ITGB2: variants seen among roughly 807,000 people sequenced by gnomAD.
ITGB2 encodes integrin subunit beta 2.
ITGB2 carries 56 observed loss-of-function variants against 86.8 expected under a neutral mutation model. The observed-to-expected ratio is 0.65, with a 90% CI of 0.52 to 0.81. The LOEUF (loss-of-function observed/expected upper bound fraction) is 0.81, where lower values mean the gene tolerates loss of function less well. Among genes scored for constraint, ITGB2 ranks in the 30% least tolerant of loss-of-function variants. The pLI, the probability that ITGB2 is intolerant of heterozygous loss-of-function variation, is 0.00. For synonymous variants in ITGB2, 457 were observed against 450.4 expected, an observed-to-expected ratio of 1.01 and a Z score of -0.19; for missense variants, 948 against 1,061.2, an observed-to-expected ratio of 0.89 and a Z score of 1.48.
chr21:44,909,935 G>A lies in ITGB2; in HGVS notation c.147+349C>T, dbSNP rs138561725. On this transcript the variant is annotated intron_variant, in intron 3 of 15. Coordinates refer to ENST00000652462, the MANE Select transcript of ITGB2 (RefSeq NM_000211.5). ...CTGCAGGAAAGCGTGCTGGCGATGCGGGGCCAGAAGCGCGCGTGTTTCTGC... is the reference window on the plus strand; with the variant it reads ...CTGCAGGAAAGCGTGCTGGCGATGCAGGGCCAGAAGCGCGCGTGTTTCTGC... Among the ~76,000 whole-genome samples, 316 of 152,338 alleles carry A rather than the reference G, an allele frequency of 2.1e-3. 2 individuals are homozygous for A. The highest frequency in any genetic ancestry group is 0.014 in the Middle Eastern group (4 of 294).
intron 14 of ITGB2, among the ~76,000 whole-genome samples, chr21:44,888,117 G>C (rs1278006933): frequency 6.7e-6 from 1 of 149,940 alleles, no homozygotes; most frequent in Non-Finnish European, 1.5e-5. Context: ...TCACTGTGGG[G>C]CTGGGACTGG....
chr21:44,905,931 G>A (rs1279707184), intron 4 of ITGB2, among the ~76,000 whole-genome samples: 1 of 152,152 alleles, frequency 6.6e-6, no homozygotes, highest in South Asian at 2.1e-4. Context: ...CTGAGCCCCA[G>A]CCTGTCCGAC....
chr21:44,898,124 C>G (rs189781183), intron 8 of ITGB2, among the ~76,000 whole-genome samples: 1 of 152,166 alleles, frequency 6.6e-6, no homozygotes, highest in South Asian at 2.1e-4. Flanking sequence ...GGGCCCTGGA[C>G]AGTTTTCAGC....
chr21:44,901,309 C>A (rs769750180), intron 6 of ITGB2, among the ~76,000 whole-genome samples, 183 bp downstream of exon 6: 1 of 152,220 alleles, frequency 6.6e-6, no homozygotes, highest in Non-Finnish European at 1.5e-5. Flanking sequence ...CGTGGTCACC[C>A]TCCCTTCCTC....
upstream of ITGB2, among the ~76,000 whole-genome samples, chr21:44,925,426 A>AGGAG (rs1321053714): frequency 2.6e-4 from 13 of 50,130 alleles, no homozygotes; most frequent in African/African-American, 8.7e-4. Context: ...GAGGGAGGGA[A>AGGAG]GGAAGGAAGG....
intron 6 of ITGB2, among the ~76,000 whole-genome samples, chr21:44,900,797 C>T (rs1247642892): frequency 6.6e-6 from 1 of 152,220 alleles, no homozygotes; most frequent in Non-Finnish European, 1.5e-5. Context: ...GGGGAAAAAC[C>T]CTCGCAGACG....
At chr21:44,897,950 G>A (rs2083893192) in intron 8 of ITGB2, among the ~76,000 whole-genome samples, 2 of 152,152 alleles carry the variant, frequency 1.3e-5, no homozygotes, top group African/African-American at 2.4e-5. Flanking sequence ...GCTCCACCCA[G>A]CAGGCCTGGC....
Position 44,895,064 on chromosome 21 carries a change from T to C in ITGB2, c.994-4A>G, listed in dbSNP as rs1359557998. The stretch of plus-strand genomic sequence containing the variant: ...TGGGGATGATCTCGGTGAGTTTCTG[T>C]TGGGCAAGAAGACCAGACATGGCAC... On this transcript the variant is annotated splice_polypyrimidine_tract_variant and splice_region_variant and intron_variant, in intron 8 of 15. Coordinates refer to ENST00000652462, the MANE Select transcript of ITGB2 (RefSeq NM_000211.5). 2 of 1,610,840 alleles carry C rather than the reference T, an allele frequency of 1.2e-6. No individual in the cohort carries two copies. The highest frequency in any genetic ancestry group is 1.1e-5 in the South Asian group (1 of 91,000).
At chr21:44,897,709 G>A (rs893049574) in intron 8 of ITGB2, among the ~76,000 whole-genome samples, 4 of 152,164 alleles carry the variant, frequency 2.6e-5, no homozygotes, top group African/African-American at 7.2e-5. Flanking sequence ...AACGGGGCAC[G>A]TGGCTGTGTA....
chr21:44,906,225 C>A (rs1473165408), intron 4 of ITGB2, among the ~76,000 whole-genome samples: 1 of 143,198 alleles, frequency 7.0e-6, no homozygotes, highest in Non-Finnish European at 1.5e-5. Flanking sequence ...GACAGAATCT[C>A]GCCCTGTCGC....
chr21:44,905,008 GT>G (rs893972912), intron 4 of ITGB2, among the ~76,000 whole-genome samples: 4 of 152,264 alleles, frequency 2.6e-5, no homozygotes, highest in African/African-American at 9.6e-5. Context: ...CAGTAAATGT[GT>G]TTGGCTTTGG....
rs746169231 is a variant in ITGB2, at chr21:44,903,522, C to T, written c.342G>A (p.Ala114=). ...TGGCCCGCCGGAAGGTCACGTTGAA[C>T]GCTGCTGCCTGGCCTGCCGGTGGGG... The part of the protein sequence containing the change: ...TLYLRPGQAA[A]FNVTFRRAKG... The change falls in exon 5 of 16, where the codon GCG becomes GCA. Residue 114 remains alanine (A), a synonymous_variant. Coordinates refer to ENST00000652462, the MANE Select transcript of ITGB2 (RefSeq NM_000211.5). 2.9e-5 allele frequency: 46 copies of T among 1,613,916 alleles called. No individual in the cohort carries two copies. Among genetic ancestry groups the T allele is most frequent in the Admixed American group, 5.0e-5 (3 of 59,992 alleles).
chr21:44,904,638 C>T (rs1366937923), intron 4 of ITGB2, among the ~76,000 whole-genome samples: 2 of 151,762 alleles, frequency 1.3e-5, no homozygotes, highest in South Asian at 2.1e-4. Context: ...CACACACACT[C>T]GCACACACAT....
chr21:44,908,222 G>C (rs780746652), intron 3 of ITGB2: 1 of 684,816 alleles, frequency 1.5e-6, no homozygotes. Flanking sequence ...AGCTGCTGAC[G>C]GTAAGGAATG....
intron 5 of ITGB2, among the ~76,000 whole-genome samples, chr21:44,902,749 T>C (rs2083982501): frequency 6.6e-6 from 1 of 152,142 alleles, no homozygotes; most frequent in Non-Finnish European, 1.5e-5. Flanking sequence ...TGAGCGTGCA[T>C]TCACGTGCAT....
rs79962088 is a variant in ITGB2, at chr21:44,894,385, C to T, written c.1083+586G>A. On this transcript the variant is annotated intron_variant, in intron 9 of 15. Coordinates refer to ENST00000652462, the MANE Select transcript of ITGB2 (RefSeq NM_000211.5). ...CCTGGGGGTAGATTTCCAGAGCAGT[C>T]GGGACCTCTGGTGCCTGGGGCCCTG... 9.9e-5 allele frequency: 17 copies of T among 171,830 alleles called. No homozygotes were observed. In the East Asian group the frequency reaches 2.4e-3, roughly 24 times the overall value. The allele number at this position is 171,830 out of a possible 1,614,324, so 10.6% of individuals were successfully genotyped here. A position where few individuals can be genotyped will look rare whatever the true frequency, so the allele number is the denominator to read the frequency against.
chr21:44,919,072 C>T (rs1326992154), intron 1 of ITGB2, among the ~76,000 whole-genome samples: 2 of 92,924 alleles, frequency 2.2e-5, no homozygotes, highest in Non-Finnish European at 4.1e-5. Context: ...GAAACTCATA[C>T]GCTGAGCGGC....
intron 10 of ITGB2, chr21:44,892,997 G>A (rs924170842): frequency 5.5e-5 from 14 of 254,110 alleles, no homozygotes; most frequent in South Asian, 8.0e-5. Context: ...CCCTCAGTCT[G>A]CAGTGGCCTG....
chr21:44,906,735 G>A (rs537522190), intron 4 of ITGB2, among the ~76,000 whole-genome samples, 180 bp downstream of exon 4: 1 of 152,284 alleles, frequency 6.6e-6, no homozygotes, highest in Admixed American at 6.5e-5. Context: ...GGACAGAGCG[G>A]AAGGGCACTG....
Sources: gnomAD v4.1 joint callset for allele counts (sites outside exome capture counted in the v4.1 genomes callset) on GRCh38, gnomAD v4.1.1 for gene constraint, MANE v1.5 for transcripts, NCBI Gene and HGNC (gene_info 2026-07-23, HGNC 2026-07-21) for gene names.